MARK2: variants seen among roughly 807,000 people sequenced by gnomAD.
The protein encoded by MARK2 is microtubule affinity regulating kinase 2.
MARK2 carries 16 observed loss-of-function variants against 89.8 expected under a neutral mutation model. The observed-to-expected ratio is 0.18, with a 90% CI of 0.12 to 0.27. The LOEUF is 0.27. Ranked by LOEUF, MARK2 falls within the 10% of genes least tolerant of loss-of-function variation. MARK2 has a pLI of 1.00. For missense variants in MARK2, 621 were observed against 1,049.9 expected (o/e 0.59, Z 5.65); for synonymous variants, 382 against 399.5 (o/e 0.96, Z 0.52).
chr11:63,903,541 A>C lies in MARK2; in HGVS notation c.1514+383A>C. On this transcript the variant is annotated intron_variant, in intron 14 of 18. Coordinates refer to ENST00000402010, the MANE Select transcript of MARK2 (RefSeq NM_001039469.3). This position sits in a 1 kb window ranked among gnomAD's most constrained non-coding sequence, Gnocchi z 5.1. ...TTGAGGGGTGTACACATAGAGGGCG[A>C]CTCCAGCCATCCCCATGAGACCAGA... 1 of 278,422 alleles carries C rather than the reference A, an allele frequency of 3.6e-6. No individual in the cohort carries two copies. The highest frequency in any genetic ancestry group is 5.3e-5 in the South Asian group (1 of 18,930). 17.2% of individuals were successfully genotyped at this position (278,422 alleles called of 1,614,324 possible). A position where few individuals can be genotyped will look rare whatever the true frequency, so the allele number is the denominator to read the frequency against.
intron 1 of MARK2, among the ~76,000 whole-genome samples, chr11:63,873,733 C>T (rs1040404757): frequency 3.3e-5 from 5 of 152,206 alleles, no homozygotes; most frequent in African/African-American, 1.2e-4. Context: ...GCAACCTCCA[C>T]ACCCCAGATT....
intron 1 of MARK2, among the ~76,000 whole-genome samples, chr11:63,844,327 T>G (rs1190744150): frequency 6.6e-6 from 1 of 152,044 alleles, no homozygotes; most frequent in African/African-American, 2.4e-5. Flanking sequence ...AAAAAAATTT[T>G]TTTAAATTTA....
chr11:63,895,149 C>T lies in MARK2; in HGVS notation c.55-10C>T, dbSNP rs867790594. The T allele has an allele frequency of 1.2e-6, 2 of 1,608,992 alleles. No individual in the cohort carries two copies. The highest frequency in any genetic ancestry group is 1.7e-4 in the Middle Eastern group (1 of 6,002). ...TGGCATGTAATGGTATCTCTGTTTC[C>T]ACCCCGCAGCCCACCTTGGGACACC... On this transcript the variant is annotated splice_polypyrimidine_tract_variant and intron_variant, in intron 1 of 18. Coordinates refer to ENST00000402010, the MANE Select transcript of MARK2 (RefSeq NM_001039469.3).
intron 1 of MARK2, 86 bp downstream of exon 1, chr11:63,839,646 C>A: frequency 3.5e-6 from 3 of 848,872 alleles, no homozygotes; most frequent in Non-Finnish European, 5.6e-6. Flanking sequence ...TCTCCTCGTG[C>A]CCCTGCTGCC....
At position 63,908,846 on chromosome 11, in the gene MARK2, C is replaced by T. The variant is rs778779796; in HGVS notation, c.2007-31C>T. On this transcript the variant is annotated intron_variant, in intron 18 of 18. Transcript: ENST00000402010. ...TCCTGGGGTGGGGTGCCTCAGCCCC[C>T]CCGTGACGCCCGCCTCTGCCCTCTC... 13 of 1,436,150 alleles carry T rather than the reference C, an allele frequency of 9.1e-6. No homozygotes were observed. The African/African-American group carries it at 1.9e-4, about 21-fold the overall frequency. 89.0% of individuals were successfully genotyped at this position (1,436,150 alleles called of 1,614,324 possible).
chr11:63,886,431 C>CTT (rs113239220), intron 1 of MARK2, among the ~76,000 whole-genome samples: 2 of 142,958 alleles, frequency 1.4e-5, no homozygotes, highest in Admixed American at 7.0e-5. Context: ...CCCCGTGTGG[C>CTT]TTTTTTTTTT....
At chr11:63,881,824 C>G (rs189021101) in intron 1 of MARK2, among the ~76,000 whole-genome samples, 1 of 152,280 alleles carries the variant, frequency 6.6e-6, no homozygotes, top group East Asian at 1.9e-4. Flanking sequence ...GGCATAGTGG[C>G]ACACACCTGT....
At chr11:63,856,656 T>C (rs912274262) in intron 1 of MARK2, among the ~76,000 whole-genome samples, 1 of 151,594 alleles carries the variant, frequency 6.6e-6, no homozygotes, top group African/African-American at 2.4e-5. Context: ...ACTCCTGGCC[T>C]AAGTGATCCG....
intron 7 of MARK2, 58 bp from the exon 8 acceptor site, chr11:63,899,816 G>A: frequency 8.7e-7 from 1 of 1,152,550 alleles, no homozygotes; most frequent in Non-Finnish European, 1.3e-6. Flanking sequence ...GCTCCTTCCT[G>A]CCCAGGGCCT....
At chr11:63,859,264 T>C (rs958340216) in intron 1 of MARK2, among the ~76,000 whole-genome samples, 2 of 152,050 alleles carry the variant, frequency 1.3e-5, no homozygotes, top group African/African-American at 4.8e-5. Context: ...TGACATACTT[T>C]GTTTCTTTTT....
In MARK2 at chr11:63,874,669, CT is replaced by C. The variant is rs1307718934; in HGVS notation, c.55-20489del. On this transcript the variant is annotated intron_variant, in intron 1 of 18. Coordinates refer to ENST00000402010, the MANE Select transcript of MARK2 (RefSeq NM_001039469.3). ...TTGCCCTGTGCGCAGGGTTTGCCCC[CT>C]CCCCTCCCTTGACAGGTTGTTCTAA... Among the ~76,000 whole-genome samples the C allele has an allele frequency of 3.3e-5, 5 of 152,334 alleles. No individual in the cohort carries two copies. The East Asian group carries it at 9.6e-4, about 29-fold the overall frequency.
chr11:63,861,362 G>T (rs1233421327), intron 1 of MARK2, among the ~76,000 whole-genome samples: 1 of 152,170 alleles, frequency 6.6e-6, no homozygotes, highest in African/African-American at 2.4e-5. Flanking sequence ...TTGACCCCGG[G>T]AGGTGGAGGT....
chr11:63,870,477 C>T (rs1016043040), intron 1 of MARK2, among the ~76,000 whole-genome samples: 1 of 152,048 alleles, frequency 6.6e-6, no homozygotes. Context: ...GGAGTCACTC[C>T]GAGAAAAGCG....
chr11:63,878,495 G>A (rs914721466), intron 1 of MARK2, among the ~76,000 whole-genome samples: 29 of 149,908 alleles, frequency 1.9e-4, no homozygotes, highest in Admixed American at 1.3e-3. Flanking sequence ...TCAGCCTCCC[G>A]AGTAGCTGAG....
At chr11:63,850,021 CAACTCT>C (rs2016485951) in intron 1 of MARK2, 2 of 149,804 alleles carry the variant, frequency 1.3e-5, no homozygotes, top group Non-Finnish European at 3.0e-5. Flanking sequence ...GAGCACCACA[CAACTCT>C]AGGTCAGTAT....
At chr11:63,844,001 G>A (rs915852454) in intron 1 of MARK2, among the ~76,000 whole-genome samples, 7 of 152,216 alleles carry the variant, frequency 4.6e-5, no homozygotes, top group Admixed American at 2.0e-4. Context: ...CTTTGATTCT[G>A]GCCAGGGGGT....
At chr11:63,860,487 G>A (rs574145129) in intron 1 of MARK2, among the ~76,000 whole-genome samples, 1 of 151,894 alleles carries the variant, frequency 6.6e-6, no homozygotes, top group South Asian at 2.1e-4. Flanking sequence ...AGGAGGGGGA[G>A]GCTACAGTGA....
rs552123776 is a variant in MARK2, at chr11:63,886,614, G to A, written c.55-8545G>A. Among the ~76,000 whole-genome samples, 3 of 152,270 alleles carry A rather than the reference G, an allele frequency of 2.0e-5. No individual in the cohort carries two copies. The East Asian group carries it at 5.8e-4, about 29-fold the overall frequency. On this transcript the variant is annotated intron_variant, in intron 1 of 18. Coordinates refer to ENST00000402010, the MANE Select transcript of MARK2 (RefSeq NM_001039469.3). ...AATTTTTGTATTTTTAGTGGAGATGGGGTTTCGCCATGTTGCTTAGGCTGG... is the reference window on the plus strand; with the variant it reads ...AATTTTTGTATTTTTAGTGGAGATGAGGTTTCGCCATGTTGCTTAGGCTGG...
At chr11:63,868,196 A>G (rs1428678119) in intron 1 of MARK2, among the ~76,000 whole-genome samples, 1 of 152,140 alleles carries the variant, frequency 6.6e-6, no homozygotes, top group African/African-American at 2.4e-5. Context: ...GTTTGAGAAC[A>G]GCCTGGGCAA....
Sources: gnomAD v4.1 joint callset for allele counts (sites outside exome capture counted in the v4.1 genomes callset) on GRCh38, gnomAD v4.1.1 for gene constraint, Gnocchi (gnomAD v3.1) non-coding constraint, MANE v1.5 for transcripts, NCBI Gene and HGNC (gene_info 2026-07-23, HGNC 2026-07-21) for gene names.